BCL11A: variants seen among roughly 807,000 people sequenced by gnomAD.
BCL11A encodes the protein B cell CLL/lymphoma 11A.
A neutral mutation model predicts 55.9 loss-of-function variants in BCL11A; 2 were observed. The ratio of observed to expected loss-of-function variants is 0.04; its 90% CI spans 0.01 to 0.11. BCL11A has a LOEUF of 0.11. Among genes scored for constraint, BCL11A ranks in the 10% least tolerant of loss-of-function variants. The probability of loss-of-function intolerance (pLI) is 1.00; values close to 1 mark genes in which losing one functional copy is unlikely to be tolerated. For synonymous variants in BCL11A, 465 were observed against 473.4 expected (o/e 0.98, Z 0.23); for missense variants, 817 against 1,137.1 (o/e 0.72, Z 4.05).
chr2:60,505,555 A>G (rs57186683), intron 2 of BCL11A, among the ~76,000 whole-genome samples: 3,961 of 152,222 alleles, frequency 0.026, 174 homozygotes, highest in African/African-American at 0.089. Flanking sequence ...TTCTTGTCCA[A>G]CCCAGTGGGC....
At chr2:60,468,895 G>A (rs1231257752) in intron 2 of BCL11A, 62 bp from the exon 3 acceptor site, 3 of 997,970 alleles carry the variant, frequency 3.0e-6, no homozygotes, top group Admixed American at 2.2e-5. Flanking sequence ...TAAACCACAG[G>A]ATATCACATT....
intron 2 of BCL11A, chr2:60,544,226 T>G (rs1488427645): frequency 2.6e-5 from 4 of 152,242 alleles, no homozygotes; most frequent in Non-Finnish European, 4.4e-5. Flanking sequence ...CGATGTTACA[T>G]CACGCAAGTG....
intron 2 of BCL11A, among the ~76,000 whole-genome samples, chr2:60,498,866 A>G (rs1218869826): frequency 6.7e-6 from 1 of 148,378 alleles, no homozygotes; most frequent in Non-Finnish European, 1.5e-5. Flanking sequence ...CATTTGAATT[A>G]CCTGTAAATC....
chr2:60,467,904 T>C (rs1676912631), intron 3 of BCL11A, among the ~76,000 whole-genome samples: 1 of 53,354 alleles, frequency 1.9e-5, no homozygotes, highest in Non-Finnish European at 4.4e-5. Context: ...ATGGTGGTGG[T>C]AATGGTGGTG....
At position 60,540,946 on chromosome 2, in the gene BCL11A, T is replaced by TTGTGTGTGTGTGTG. The variant is rs368895286; in HGVS notation, c.385+5011_385+5024dup. Among the ~76,000 whole-genome samples the TTGTGTGTGTGTGTG allele has an allele frequency of 1.5e-3, 208 of 140,306 alleles. 1 individual carries two copies. Among genetic ancestry groups the TTGTGTGTGTGTGTG allele is most frequent in the East Asian group, 3.0e-3 (14 of 4,700 alleles). 92.0% of individuals were successfully genotyped at this position (140,306 alleles called of 152,430 possible). A position where few individuals can be genotyped will look rare whatever the true frequency, so the allele number is the denominator to read the frequency against. Reference sequence around the variant, plus strand: ...GATTTAAGAAATTACAGCACTGGTTTTGTGTGTGTGTGTGTGTGTGTGTGT... The same window carrying TTGTGTGTGTGTGTG: ...GATTTAAGAAATTACAGCACTGGTTTTGTGTGTGTGTGTGTGTGTGTGTGTGTGTGTGTGTGTGT... On this transcript the variant is annotated intron_variant, in intron 2 of 3. Coordinates refer to ENST00000642384, the MANE Select transcript of BCL11A (RefSeq NM_022893.4).
At position 60,503,209 on chromosome 2, in the gene BCL11A, G is replaced by A. The variant is rs117674195; in HGVS notation, c.386-34376C>T. 5.6e-4 allele frequency among the ~76,000 whole-genome samples: 86 copies of A among 152,302 alleles called. 1 individual carries two copies. The East Asian group carries it at 0.016, about 29-fold the overall frequency. ...AAGATGGAGAAGCCACATCACCCTT[G>A]ATCATGTTAGCCCCATTCTGCAGCC... On this transcript the variant is annotated intron_variant, in intron 2 of 3. Transcript: ENST00000642384.
intron 2 of BCL11A, among the ~76,000 whole-genome samples, chr2:60,473,320 G>A (rs1677323520): frequency 6.6e-6 from 1 of 150,432 alleles, no homozygotes; most frequent in African/African-American, 2.5e-5. Flanking sequence ...GTGACACTGT[G>A]ACCCCCTTTC....
intron 2 of BCL11A, among the ~76,000 whole-genome samples, chr2:60,517,183 G>C (rs1263165757): frequency 6.6e-6 from 1 of 152,198 alleles, no homozygotes. Flanking sequence ...TGAGGAAGAG[G>C]TTGGGCTGGC....
chr2:60,454,593 G>A (rs945362929), downstream of BCL11A, among the ~76,000 whole-genome samples: 1 of 152,124 alleles, frequency 6.6e-6, no homozygotes, highest in Non-Finnish European at 1.5e-5. Flanking sequence ...TGTGTGTACG[G>A]AGGGGGAAAA....
intron 2 of BCL11A, among the ~76,000 whole-genome samples, chr2:60,503,772 G>A (rs1219657166): frequency 6.6e-6 from 1 of 152,182 alleles, no homozygotes; most frequent in South Asian, 2.1e-4. Flanking sequence ...TAGGAGCCAA[G>A]ATGCAACCCT....
At chr2:60,538,382 T>G (rs1253810894) in intron 2 of BCL11A, 1 of 152,236 alleles carries the variant, frequency 6.6e-6, no homozygotes, top group Non-Finnish European at 1.5e-5. Flanking sequence ...TCCACTCACA[T>G]CAGTCTCCAG....
intron 2 of BCL11A, among the ~76,000 whole-genome samples, chr2:60,485,829 C>T (rs892691200): frequency 4.6e-5 from 7 of 152,186 alleles, no homozygotes; most frequent in Admixed American, 1.3e-4. Flanking sequence ...ATTCCAGGTC[C>T]CCCAGAAGTA....
chr2:60,472,072 A>G (rs1677235425), intron 2 of BCL11A, among the ~76,000 whole-genome samples: 1 of 152,192 alleles, frequency 6.6e-6, no homozygotes, highest in Non-Finnish European at 1.5e-5. Context: ...TAGGACTGGA[A>G]CAGTCAAAAA....
At chr2:60,497,557 G>A (rs760036951) in intron 2 of BCL11A, among the ~76,000 whole-genome samples, 2 of 151,954 alleles carry the variant, frequency 1.3e-5, no homozygotes, top group Non-Finnish European at 2.9e-5. Context: ...AAACTCAATC[G>A]GCTCTTACCA....
chr2:60,553,111 T>C, intron 1 of BCL11A, 105 bp downstream of exon 1: 1 of 1,248,250 alleles, frequency 8.0e-7, no homozygotes, highest in South Asian at 1.4e-5. Context: ...CGTGAAAAAT[T>C]TAAAAATGCA....
At chr2:60,537,887 G>A (rs1358140533) in intron 2 of BCL11A, 2 of 152,192 alleles carry the variant, frequency 1.3e-5, no homozygotes, top group African/African-American at 4.8e-5. Context: ...TTATTTTAAT[G>A]GGAGTTTTTA....
intron 2 of BCL11A, chr2:60,484,510 T>A (rs1402506669): frequency 6.6e-6 from 1 of 152,160 alleles, no homozygotes; most frequent in Non-Finnish European, 1.5e-5. Flanking sequence ...ATAAACCGGG[T>A]TGCTTTTCAC....
In BCL11A at chr2:60,460,184, G is replaced by T; in HGVS notation, c.*220C>A. On this transcript the variant is annotated 3_prime_UTR_variant, in exon 4 of 4. Coordinates refer to ENST00000642384, the MANE Select transcript of BCL11A (RefSeq NM_022893.4). ...AACATAAAGGAAAAAAAAAAAAAAG[G>T]AAAAAGAAAAAAGAAAAAGAAAAAG... 7.8e-7 allele frequency: 1 copy of T among 1,276,748 alleles called. No homozygotes were observed. The highest frequency in any genetic ancestry group is 9.9e-7 in the Non-Finnish European group (1 of 1,012,622). The allele number at this position is 1,276,748 out of a possible 1,614,324, so 79.1% of individuals were successfully genotyped here.
rs1676104666 is a variant in BCL11A, at chr2:60,459,330, T to C, written c.*1074A>G. 1 of 1,017,088 alleles carries C rather than the reference T, an allele frequency of 9.8e-7. No homozygotes were observed. Among genetic ancestry groups the C allele is most frequent in the African/African-American group, 1.7e-5 (1 of 58,554 alleles). 63.0% of individuals were successfully genotyped at this position (1,017,088 alleles called of 1,614,324 possible). ...CTTCATAAAATGAACTCCTTACTAGTGTATTTAATTGCGTTCCAGGGCTTT... is the reference window on the plus strand; with the variant it reads ...CTTCATAAAATGAACTCCTTACTAGCGTATTTAATTGCGTTCCAGGGCTTT... On this transcript the variant is annotated 3_prime_UTR_variant, in exon 4 of 4. Coordinates refer to ENST00000642384, the MANE Select transcript of BCL11A (RefSeq NM_022893.4).
Sources: allele counts gnomAD v4.1 joint callset (sites outside exome capture counted in the v4.1 genomes callset), GRCh38; gene constraint gnomAD v4.1.1; transcripts MANE v1.5; gene names NCBI Gene and HGNC (gene_info 2026-07-23, HGNC 2026-07-21).